Variants in OGFOD3 observed in about 807,000 individuals in gnomAD.
OGFOD3 encodes the protein 2-oxoglutarate and iron-dependent oxygenase domain-containing protein 3.
A neutral mutation model predicts 39.8 loss-of-function variants in OGFOD3; 35 were observed. That is an observed-to-expected ratio of 0.88 (90% CI 0.67 to 1.17). The LOEUF (loss-of-function observed/expected upper bound fraction) is 1.17, where lower values mean the gene tolerates loss of function less well. Among genes scored for constraint, OGFOD3 ranks in the 50% most tolerant of loss-of-function variants. The pLI is 0.00. For synonymous variants in OGFOD3, 200 were observed against 192.0 expected, an observed-to-expected ratio of 1.04 and a Z score of -0.34; for missense variants, 438 against 454.5, an observed-to-expected ratio of 0.96 and a Z score of 0.33.
rs2052825912 is a variant in OGFOD3 at position 82,404,680 on chromosome 17, CTT to C, written c.546-592_546-591del. Reference sequence around the variant, plus strand: ...TGTGTCCTGGGATGGTTGCGTGACTCTTAGCTCCTTTGCCCTCATCTCAACCT... The same window carrying C: ...TGTGTCCTGGGATGGTTGCGTGACTCAGCTCCTTTGCCCTCATCTCAACCT... On this transcript the variant is annotated intron_variant, in intron 6 of 8. Transcript: ENST00000313056. The surrounding 1 kb of genome is among the most constrained non-coding windows in gnomAD (Gnocchi z 4.5). Among the ~76,000 whole-genome samples, 2 of 151,484 alleles carry C rather than the reference CTT, an allele frequency of 1.3e-5. No individual in the cohort carries two copies. The highest frequency in any genetic ancestry group is 2.4e-5 in the African/African-American group (1 of 41,192).
chr17:82,411,560 G>A, intron 2 of OGFOD3, 30 bp from the exon 3 acceptor site: 3 of 1,599,414 alleles, frequency 1.9e-6, no homozygotes, highest in Non-Finnish European at 2.6e-6. Context: ...GTGAGACGCA[G>A]TTTCCAAGGC....
chr17:82,412,323 G>A (rs1280305225), intron 2 of OGFOD3, among the ~76,000 whole-genome samples: 3 of 141,626 alleles, frequency 2.1e-5, no homozygotes, highest in East Asian at 2.2e-4. Context: ...ACACGGTCGG[G>A]GCAGGGGCAT....
intron 4 of OGFOD3, among the ~76,000 whole-genome samples, chr17:82,408,672 C>G (rs1329827251): frequency 6.6e-6 from 1 of 152,174 alleles, no homozygotes; most frequent in Admixed American, 6.5e-5. Context: ...TCTCTGCCTC[C>G]ATCATCACAG....
At chr17:82,398,445 G>T in intron 7 of OGFOD3, 126 bp from the exon 8 acceptor site, 1 of 1,137,748 alleles carries the variant, frequency 8.8e-7, no homozygotes, top group Non-Finnish European at 1.2e-6. Context: ...CATCACCCAG[G>T]CTGGAGTGCA....
chr17:82,394,419 CCT>C lies in OGFOD3; in HGVS notation c.824-1887_824-1886del, dbSNP rs572382964. 317 of 1,612,724 alleles carry C rather than the reference CCT, an allele frequency of 2.0e-4. No individual in the cohort carries two copies. In the African/African-American group the frequency reaches 3.8e-3, roughly 19 times the overall value. On this transcript the variant is annotated intron_variant, in intron 8 of 8. Transcript: ENST00000313056. ...CTTCCAGAATCGCATGTGTCTCTCCCCTCTCGGGCGGGTGGTGAGTCCCCGGA... is the reference window on the plus strand; with the variant it reads ...CTTCCAGAATCGCATGTGTCTCTCCCCTCGGGCGGGTGGTGAGTCCCCGGA...
intron 2 of OGFOD3, among the ~76,000 whole-genome samples, chr17:82,411,999 G>C (rs9303028): frequency 1.5e-5 from 1 of 67,406 alleles, no homozygotes; most frequent in African/African-American, 4.7e-5. Flanking sequence ...GAGACCACCA[G>C]AGCAGAAAAC....
intron 2 of OGFOD3, among the ~76,000 whole-genome samples, chr17:82,413,870 ACT>A (rs910114714): frequency 7.6e-6 from 1 of 132,190 alleles, no homozygotes; most frequent in African/African-American, 2.8e-5. Context: ...AGTGAGTGAC[ACT>A]CTGTCCAAAA....
chr17:82,412,058 G>A (rs1353458814), intron 2 of OGFOD3, among the ~76,000 whole-genome samples: 6 of 67,676 alleles, frequency 8.9e-5, no homozygotes, highest in African/African-American at 2.8e-4. Context: ...CACTGGCGCA[G>A]AAAACCCTCC....
intron 5 of OGFOD3, among the ~76,000 whole-genome samples, 198 bp from the exon 6 acceptor site, chr17:82,405,578 G>T (rs958566488): frequency 1.3e-5 from 2 of 152,250 alleles, no homozygotes; most frequent in African/African-American, 2.4e-5. Context: ...ACTCTGGGAG[G>T]CCGAGGCAGG....
intron 2 of OGFOD3, 27 bp from the exon 3 acceptor site, chr17:82,411,557 G>A (rs1459458111): frequency 2.2e-5 from 36 of 1,605,902 alleles, no homozygotes; most frequent in Admixed American, 5.0e-5. Context: ...AGGGTGAGAC[G>A]CAGTTTCCAA....
chr17:82,408,097 C>T (rs901324712), intron 4 of OGFOD3, among the ~76,000 whole-genome samples: 5 of 152,028 alleles, frequency 3.3e-5, no homozygotes, highest in African/African-American at 7.2e-5. Flanking sequence ...GAGTGGAGAT[C>T]GCCCCATTGC....
intron 3 of OGFOD3, among the ~76,000 whole-genome samples, chr17:82,411,234 A>G (rs1371335632): frequency 2.0e-5 from 3 of 149,422 alleles, no homozygotes; most frequent in African/African-American, 7.4e-5. Context: ...TTTAGTAGAG[A>G]CAGGGTTTCA....
In OGFOD3 at chr17:82,391,961, G is replaced by A. The variant is rs114340719; in HGVS notation, c.*437C>T. 2.7e-3 allele frequency: 481 copies of A among 175,192 alleles called. No individual in the cohort carries two copies. Among genetic ancestry groups the A allele is most frequent in the African/African-American group, 0.01 (427 of 42,030 alleles). The allele number at this position is 175,192 out of a possible 1,614,324, so 10.9% of individuals were successfully genotyped here. A position where few individuals can be genotyped will look rare whatever the true frequency, so the allele number is the denominator to read the frequency against. On this transcript the variant is annotated 3_prime_UTR_variant, in exon 9 of 9. Coordinates refer to ENST00000313056, the MANE Select transcript of OGFOD3 (RefSeq NM_024648.3). This position sits in a 1 kb window ranked among gnomAD's most constrained non-coding sequence, Gnocchi z 5.1. ...ACGGACCCTTCTCCAAAGCTGCTGC[G>A]GTTTGCTGATGCCGAGACCCCGAAC...
intron 2 of OGFOD3, among the ~76,000 whole-genome samples, chr17:82,413,772 G>C (rs1239267301): frequency 6.6e-6 from 1 of 151,634 alleles, no homozygotes; most frequent in Non-Finnish European, 1.5e-5. Flanking sequence ...TCAGGAGGCT[G>C]AGGCAGGAGA....
In OGFOD3 at chr17:82,415,498, G is replaced by A. The variant is rs776457129; in HGVS notation, c.204C>T (p.Asp68=). The change falls in exon 2 of 9, where the codon GAC becomes GAT. Residue 68 remains aspartate (D), a synonymous_variant. Transcript: ENST00000313056. The surrounding 1 kb of genome is among the most constrained non-coding windows in gnomAD (Gnocchi z 5.3). ...GGCGGGCCAGGACCTCTGCGACCCC[G>A]TCGTCGGCCCCCAAGCTGCTCCAGA... ...LLLWSSLGAD[D]GVAEVLARRG... The A allele has an allele frequency of 1.4e-5, 23 of 1,613,546 alleles. No homozygotes were observed. The highest frequency in any genetic ancestry group is 1.3e-4 in the African/African-American group (10 of 74,892).
At chr17:82,417,681 G>C (rs1209054381) in intron 1 of OGFOD3, among the ~76,000 whole-genome samples, 1 of 150,684 alleles carries the variant, frequency 6.6e-6, no homozygotes, top group African/African-American at 2.4e-5. Context: ...CTATCTAGTA[G>C]ACTCCAAAAG....
At position 82,405,294 on chromosome 17, in the gene OGFOD3, C is replaced by T. The variant is rs368152856; in HGVS notation, c.545+30G>A. The T allele has an allele frequency of 3.1e-5, 49 of 1,600,138 alleles. No individual in the cohort carries two copies. In the South Asian group the frequency reaches 4.1e-4, roughly 13 times the overall value. ...CCTCAGCCCCAGGCCACCCCGCCTG[C>T]GAACCCCCACCCGCCTCACTCCTCC... On this transcript the variant is annotated intron_variant, in intron 6 of 8. Transcript: ENST00000313056.
In OGFOD3 at chr17:82,404,125, A is replaced by T. The variant is rs1379453238; in HGVS notation, c.546-35T>A. 6.5e-7 allele frequency: 1 copy of T among 1,534,990 alleles called. No homozygotes were observed. The highest frequency in any genetic ancestry group is 1.9e-5 in the Admixed American group (1 of 51,812). ...ACACAATAGCCGTCAGCGCAGCCCC[A>T]GGCGGGAGGGGACGCTCGTGGGTCC... On this transcript the variant is annotated intron_variant, in intron 6 of 8. Transcript: ENST00000313056. This position sits in a 1 kb window ranked among gnomAD's most constrained non-coding sequence, Gnocchi z 4.5.
At chr17:82,401,812 A>AAAAC (rs2143229626) in intron 7 of OGFOD3, among the ~76,000 whole-genome samples, 1 of 149,456 alleles carries the variant, frequency 6.7e-6, no homozygotes, top group African/African-American at 2.5e-5. Context: ...TCAAAAAAAA[A>AAAAC]AAAAAAAAAA....
Sources: allele counts gnomAD v4.1 joint callset (sites outside exome capture counted in the v4.1 genomes callset), GRCh38; gene constraint gnomAD v4.1.1; non-coding constraint Gnocchi (gnomAD v3.1); transcripts MANE v1.5; gene names NCBI Gene and HGNC (gene_info 2026-07-23, HGNC 2026-07-21).